CFAP46: variants seen among roughly 807,000 people sequenced by gnomAD.
CFAP46 encodes cilia and flagella associated protein 46.
Under a neutral mutation model 325.7 loss-of-function variants are expected in CFAP46, and 245 were observed. The ratio of observed to expected loss-of-function variants is 0.75; its 90% CI spans 0.68 to 0.84. CFAP46 has a LOEUF of 0.84. Ranked by LOEUF, CFAP46 falls within the 40% of genes least tolerant of loss-of-function variation. The pLI is 0.00. For missense variants in CFAP46, 3,346 were observed against 3,543.0 expected (o/e 0.94, Z 1.41); for synonymous variants, 1,523 against 1,495.9 (o/e 1.02, Z -0.42).
At position 132,924,758 on chromosome 10, in the gene CFAP46, G is replaced by T. The variant is rs1332211674; in HGVS notation, c.1194C>A (p.Asn398Lys). The T allele has an allele frequency of 1.9e-6, 3 of 1,538,584 alleles. No individual in the cohort carries two copies. Among genetic ancestry groups the T allele is most frequent in the African/African-American group, 2.8e-5 (2 of 71,834 alleles). Residue 398 changes from asparagine to lysine, a missense_variant, in exon 11 of 58, where the codon AAC (asparagine) becomes AAA (lysine). Physicochemically the swap from Asn to Lys is moderately conservative, Grantham distance 94 (BLOSUM62 0). Transcript: ENST00000368586. Reference sequence around the variant, plus strand: ...GGGGCTTCCGCAGGTGGTGCCGCAGGTTGTGCTGCAGCAGGGGCAGGCAGG... The same window carrying T: ...GGGGCTTCCGCAGGTGGTGCCGCAGTTTGTGCTGCAGCAGGGGCAGGCAGG... ...WNTCLPLLQH[N>K]LRHHLRKPLA...
chr10:132,854,403 C>A (rs958951647), intron 39 of CFAP46, among the ~76,000 whole-genome samples: 21 of 152,240 alleles, frequency 1.4e-4, no homozygotes, highest in African/African-American at 4.1e-4. Context: ...GTGGCGTGAT[C>A]GCCACTCACT....
At position 132,837,039 on chromosome 10, in the gene CFAP46, C is replaced by T. The variant is rs1375570520; in HGVS notation, c.6439-125G>A. On this transcript the variant is annotated intron_variant, in intron 44 of 57. Transcript: ENST00000368586. ...GCGGGGGCTTTGTACCCTTCCTGCC[C>T]GAGGCTGGGCCCTTGGGGTGGGGGG... 2.2e-5 allele frequency: 16 copies of T among 713,492 alleles called. No individual in the cohort carries two copies. The East Asian group carries it at 2.5e-4, about 11-fold the overall frequency. The allele number at this position is 713,492 out of a possible 1,614,324, so 44.2% of individuals were successfully genotyped here. A position where few individuals can be genotyped will look rare whatever the true frequency, so the allele number is the denominator to read the frequency against.
At position 132,937,694 on chromosome 10, in the gene CFAP46, C is replaced by T. The variant is rs762622601; in HGVS notation, c.537-19G>A. On this transcript the variant is annotated intron_variant, in intron 5 of 57. Coordinates refer to ENST00000368586, the MANE Select transcript of CFAP46 (RefSeq NM_001200049.3). ...AAGTTCCCTGGATAATAGAAACACA[C>T]CACTGGTCAACCTGGTTGAAACTGT... 3 of 1,588,950 alleles carry T rather than the reference C, an allele frequency of 1.9e-6. No homozygotes were observed. The highest frequency in any genetic ancestry group is 1.7e-4 in the Middle Eastern group (1 of 5,956).
chr10:132,860,747 C>T lies in CFAP46; in HGVS notation c.5091+35G>A, dbSNP rs1465483558. ...TCTCCACCAAGCACCTGGCCCGGCACCCGACATGCAGCCCCAGGTCCCCGT... is the reference window on the plus strand; with the variant it reads ...TCTCCACCAAGCACCTGGCCCGGCATCCGACATGCAGCCCCAGGTCCCCGT... On this transcript the variant is annotated intron_variant, in intron 36 of 57. Transcript: ENST00000368586. The T allele has an allele frequency of 5.2e-6, 8 of 1,545,514 alleles. No individual in the cohort carries two copies. In the South Asian group the frequency reaches 7.2e-5, roughly 14 times the overall value.
chr10:132,878,872 G>A (rs1465533356), intron 29 of CFAP46, among the ~76,000 whole-genome samples: 1 of 152,218 alleles, frequency 6.6e-6, no homozygotes, highest in Admixed American at 6.5e-5. Context: ...TAGCCTGCGG[G>A]AGGCCTAGAC....
chr10:132,899,478 G>A, intron 23 of CFAP46, 57 bp downstream of exon 23: 1 of 1,487,086 alleles, frequency 6.7e-7, no homozygotes, highest in Non-Finnish European at 8.9e-7. Flanking sequence ...GTGAGCACAG[G>A]GGTCCCGCAC....
intron 13 of CFAP46, among the ~76,000 whole-genome samples, chr10:132,921,700 G>C (rs1255950636): frequency 6.6e-6 from 1 of 152,238 alleles, no homozygotes; most frequent in Non-Finnish European, 1.5e-5. Flanking sequence ...TCCAAAGGGA[G>C]GAAACGAGGA....
At chr10:132,880,645 G>A (rs1237996710) in intron 28 of CFAP46, among the ~76,000 whole-genome samples, 1 of 61,110 alleles carries the variant, frequency 1.6e-5, no homozygotes, top group Non-Finnish European at 3.3e-5. Context: ...CCCTGCAGAG[G>A]ACAGCACTGA....
At chr10:132,812,287 C>T (rs945746184) in intron 55 of CFAP46, among the ~76,000 whole-genome samples, 3 of 152,262 alleles carry the variant, frequency 2.0e-5, no homozygotes, top group African/African-American at 7.2e-5. Flanking sequence ...CCCCCCTGTG[C>T]TGGAGCTGGC....
intron 21 of CFAP46, among the ~76,000 whole-genome samples, chr10:132,908,925 C>T (rs1292882955): frequency 2.0e-5 from 3 of 152,174 alleles, no homozygotes; most frequent in Non-Finnish European, 4.4e-5. Context: ...GCTCAAACAG[C>T]GTTTGCCTCG....
chr10:132,917,722 T>C (rs1161121870), intron 16 of CFAP46, among the ~76,000 whole-genome samples: 3 of 152,202 alleles, frequency 2.0e-5, no homozygotes, highest in Non-Finnish European at 2.9e-5. Flanking sequence ...CCCTCCCTCA[T>C]ATTCATTTTG....
At chr10:132,893,001 C>T (rs1564792441) in intron 24 of CFAP46, among the ~76,000 whole-genome samples, 1 of 152,192 alleles carries the variant, frequency 6.6e-6, no homozygotes, top group African/African-American at 2.4e-5. Flanking sequence ...CAGGGAAAGG[C>T]CATCTCCCAA....
In CFAP46 at chr10:132,905,002, G is replaced by A. The variant is rs113626003; in HGVS notation, c.2924+3466C>T. ...CGTCACGCCAGCCTCTCATCTTCTG[G>A]TCCCCACTGTGACCCTGGTGACTCA... On this transcript the variant is annotated intron_variant, in intron 22 of 57. Transcript: ENST00000368586. 1.1e-4 allele frequency among the ~76,000 whole-genome samples: 16 copies of A among 152,118 alleles called. 1 individual carries two copies. The highest frequency in any genetic ancestry group is 5.9e-4 in the Admixed American group (9 of 15,282).
intron 1 of CFAP46, 96 bp from the exon 2 acceptor site, chr10:132,942,200 G>A (rs1207917752): frequency 6.8e-6 from 10 of 1,470,346 alleles, no homozygotes; most frequent in Admixed American, 4.4e-5. Flanking sequence ...GCCGCCTTGG[G>A]CCCCCGGGCC....
intron 8 of CFAP46, among the ~76,000 whole-genome samples, chr10:132,934,072 C>T (rs970165520): frequency 3.3e-5 from 5 of 152,232 alleles, no homozygotes; most frequent in Admixed American, 6.5e-5. Flanking sequence ...TTTGTGGGTA[C>T]TTGTTACGCA....
In CFAP46 at chr10:132,851,160, G is replaced by A. The variant is rs768754603; in HGVS notation, c.5720C>T (p.Ala1907Val). Residue 1907 changes from alanine to valine, a missense_variant, in exon 40 of 58, where the codon GCG becomes GTG. Physicochemically the swap from Ala to Val is moderately conservative, Grantham distance 64. Coordinates refer to ENST00000368586, the MANE Select transcript of CFAP46 (RefSeq NM_001200049.3). ...GTCACTGGTGTTCTGCAGATAGTCC[G>A]CCAGCAGCTTCTCCAGGGACCCCTG... ...SEQGSLEKLL[A>V]DYLQNTSDYT... is the part of the protein sequence containing the mutation. The A allele has an allele frequency of 2.3e-5, 37 of 1,614,052 alleles. No homozygotes were observed. The highest frequency in any genetic ancestry group is 3.3e-5 in the Admixed American group (2 of 60,024).
chr10:132,840,088 G>A (rs935410577), intron 44 of CFAP46, among the ~76,000 whole-genome samples: 2 of 152,220 alleles, frequency 1.3e-5, no homozygotes, highest in Non-Finnish European at 2.9e-5. Flanking sequence ...GGTGAAGCCA[G>A]TGGGGTCTGG....
At chr10:132,890,078 CCTGT>C (rs775081603) in intron 25 of CFAP46, among the ~76,000 whole-genome samples, 4 of 152,184 alleles carry the variant, frequency 2.6e-5, no homozygotes, top group Non-Finnish European at 4.4e-5. Context: ...ACTTATTCGA[CCTGT>C]CTGATGTTTA....
At chr10:132,844,280 G>A (rs190461761) in intron 44 of CFAP46, among the ~76,000 whole-genome samples, 6 of 152,198 alleles carry the variant, frequency 3.9e-5, no homozygotes, top group African/African-American at 7.2e-5. Context: ...CTGCAGGCTC[G>A]CTCCTCCTCC....
Sources: allele counts gnomAD v4.1 joint callset (sites outside exome capture counted in the v4.1 genomes callset), GRCh38; gene constraint gnomAD v4.1.1; transcripts MANE v1.5; gene names NCBI Gene and HGNC (gene_info 2026-07-23, HGNC 2026-07-21).